Variants in STIM1 observed in about 807,000 individuals in gnomAD.
The protein encoded by STIM1 is stromal interaction molecule 1.
A neutral mutation model predicts 74.7 loss-of-function variants in STIM1; 25 were observed. The observed-to-expected ratio is 0.33, with a 90% CI of 0.24 to 0.47. The LOEUF is 0.47. Ranked by LOEUF, STIM1 falls within the 20% of genes least tolerant of loss-of-function variation. The pLI, the probability that STIM1 is intolerant of heterozygous loss-of-function variation, is 1.00. For synonymous variants in STIM1, 328 were observed against 348.8 expected (o/e 0.94, Z 0.66); for missense variants, 728 against 920.8 (o/e 0.79, Z 2.71).
chr11:4,072,031 A>T (rs752649280), intron 6 of STIM1, among the ~76,000 whole-genome samples: 1 of 152,186 alleles, frequency 6.6e-6, no homozygotes, highest in South Asian at 2.1e-4. Flanking sequence ...CTGTCTGAGC[A>T]GTCCCCATAC....
intron 1 of STIM1, among the ~76,000 whole-genome samples, chr11:3,950,108 A>G (rs1056495510): frequency 1.3e-5 from 2 of 151,162 alleles, no homozygotes; most frequent in Non-Finnish European, 2.9e-5. Flanking sequence ...AAACTCATCC[A>G]AGTTGTGTGT....
intron 3 of STIM1, among the ~76,000 whole-genome samples, chr11:4,046,753 T>C (rs773209168): frequency 6.6e-5 from 10 of 152,102 alleles, no homozygotes; most frequent in Non-Finnish European, 1.0e-4. Flanking sequence ...GGGCTCAAGT[T>C]ATCCTCCCAC....
intron 1 of STIM1, among the ~76,000 whole-genome samples, chr11:3,886,687 CAAAAAAAAAAAAA>C (rs199847545): frequency 1.1e-5 from 1 of 87,914 alleles, no homozygotes. Flanking sequence ...GACTCTGTGT[CAAAAAAAAAAAAA>C]AAAAAAAAAA....
chr11:4,040,453 T>C (rs2094139387), intron 3 of STIM1, among the ~76,000 whole-genome samples: 1 of 152,234 alleles, frequency 6.6e-6, no homozygotes, highest in Non-Finnish European at 1.5e-5. Flanking sequence ...AATTAATCAT[T>C]TCTTTAAGTC....
chr11:3,857,280 C>G (rs2090423982), intron 1 of STIM1, among the ~76,000 whole-genome samples: 1 of 151,682 alleles, frequency 6.6e-6, no homozygotes, highest in South Asian at 2.1e-4. Flanking sequence ...GAGACAGGGT[C>G]TTGATCTGTC....
At chr11:3,994,657 G>A (rs577329202) in intron 2 of STIM1, among the ~76,000 whole-genome samples, 2 of 151,560 alleles carry the variant, frequency 1.3e-5, no homozygotes, top group Non-Finnish European at 2.9e-5. Flanking sequence ...ATGTGGTTTC[G>A]CCATGTTGTC....
chr11:3,895,604 CTCTCTCTT>C, intron 1 of STIM1, among the ~76,000 whole-genome samples: 1 of 35,102 alleles, frequency 2.8e-5, no homozygotes, highest in African/African-American at 1.8e-4. Context: ...TTCTTTCTTT[CTCTCTCTT>C]TCTTTCTTTC....
intron 1 of STIM1, among the ~76,000 whole-genome samples, chr11:3,923,994 T>C: frequency 6.6e-6 from 1 of 151,804 alleles, no homozygotes; most frequent in Non-Finnish European, 1.5e-5. Flanking sequence ...ATTTATTCAG[T>C]TTATTTATTT....
chr11:3,886,673 G>A (rs1332310925), intron 1 of STIM1, among the ~76,000 whole-genome samples: 2 of 130,568 alleles, frequency 1.5e-5, no homozygotes, highest in African/African-American at 6.3e-5. Flanking sequence ...GGGTGACAGA[G>A]CGAGACTCTG....
intron 1 of STIM1, among the ~76,000 whole-genome samples, chr11:3,906,819 A>ATC (rs1184130472): frequency 2.6e-5 from 4 of 152,204 alleles, no homozygotes; most frequent in African/African-American, 7.2e-5. Flanking sequence ...CAATAAGTAG[A>ATC]TGTCTTACCA....
intron 1 of STIM1, among the ~76,000 whole-genome samples, chr11:3,895,697 T>TC (rs2092090384): frequency 3.1e-5 from 1 of 32,148 alleles, no homozygotes; most frequent in African/African-American, 2.2e-4. Context: ...TTTCTTTCTT[T>TC]CTTTCTTTCT....
chr11:4,075,306 A>G (rs962619367), intron 7 of STIM1, among the ~76,000 whole-genome samples: 1 of 152,216 alleles, frequency 6.6e-6, no homozygotes, highest in Non-Finnish European at 1.5e-5. Context: ...AAGCTTTTGC[A>G]TATGCATGTA....
intron 1 of STIM1, among the ~76,000 whole-genome samples, chr11:3,898,973 G>A (rs1341655355): frequency 1.3e-5 from 2 of 151,680 alleles, no homozygotes; most frequent in African/African-American, 4.8e-5. Context: ...TTGTTCTTTT[G>A]GCTTAGGACT....
At chr11:4,065,579 T>C (rs899858732) in intron 5 of STIM1, among the ~76,000 whole-genome samples, 1 of 152,118 alleles carries the variant, frequency 6.6e-6, no homozygotes, top group Non-Finnish European at 1.5e-5. Flanking sequence ...CAGCTTAAGA[T>C]CTAGCCAGAA....
intron 1 of STIM1, among the ~76,000 whole-genome samples, chr11:3,891,242 A>T (rs1464343485): frequency 6.6e-6 from 1 of 152,078 alleles, no homozygotes; most frequent in African/African-American, 2.4e-5. Flanking sequence ...TTCATGTTCT[A>T]ATTCCAAACT....
chr11:4,036,445 A>G (rs1360114154), intron 3 of STIM1, among the ~76,000 whole-genome samples: 2 of 152,234 alleles, frequency 1.3e-5, no homozygotes, highest in Non-Finnish European at 2.9e-5. Flanking sequence ...GTCTTCCACA[A>G]TGGTGAACTA....
At chr11:4,064,950 T>C (rs1269956161) in intron 5 of STIM1, among the ~76,000 whole-genome samples, 1 of 152,232 alleles carries the variant, frequency 6.6e-6, no homozygotes, top group Non-Finnish European at 1.5e-5. Context: ...AAACAAGATA[T>C]AATAAAGAGT....
At chr11:4,007,362 A>G (rs2093792743) in intron 2 of STIM1, among the ~76,000 whole-genome samples, 1 of 152,132 alleles carries the variant, frequency 6.6e-6, no homozygotes, top group South Asian at 2.1e-4. Context: ...ACCTTTCGTT[A>G]CTTTTAAACT....
chr11:4,017,551 TC>T (rs1402552594), intron 2 of STIM1, among the ~76,000 whole-genome samples: 69 of 152,314 alleles, frequency 4.5e-4, no homozygotes, highest in African/African-American at 1.5e-3. Context: ...GTATCTCATG[TC>T]AGATGGTTTC....
Sources: gnomAD v4.1 joint callset for allele counts (sites outside exome capture counted in the v4.1 genomes callset) on GRCh38, gnomAD v4.1.1 for gene constraint, MANE v1.5 for transcripts, NCBI Gene and HGNC (gene_info 2026-07-23, HGNC 2026-07-21) for gene names.